VPS13B: variants seen among roughly 807,000 people sequenced by gnomAD.
The protein encoded by VPS13B is vacuolar protein sorting 13 homolog B.
In VPS13B, 285 loss-of-function variants were observed where a neutral mutation model predicts 426.4. The observed-to-expected ratio is 0.67, with a 90% CI of 0.61 to 0.74. The LOEUF is 0.74. VPS13B is among the 30% of genes least tolerant of loss of function. The pLI, the probability that VPS13B is intolerant of heterozygous loss-of-function variation, is 0.00. For synonymous variants in VPS13B, 1,676 were observed against 1,676.4 expected (o/e 1.00, Z 0.01); for missense variants, 4,537 against 4,782.6 (o/e 0.95, Z 1.51).
rs149176010 is a variant in VPS13B, at chr8:99,121,280, A to T, written c.1041A>T (p.Ser347=). ...QDEEQPQGWV[S]WAWSFVPAIV... Reference sequence around the variant, plus strand: ...AGGAGCAGCCACAGGGATGGGTGTCATGGGCCTGGTCCTTTGTGCCTGCAA... The same window carrying T: ...AGGAGCAGCCACAGGGATGGGTGTCTTGGGCCTGGTCCTTTGTGCCTGCAA... Residue 347 remains serine (S), a synonymous_variant, in exon 8 of 62, where the codon TCA becomes TCT. Transcript: ENST00000357162. 4 of 1,614,026 alleles carry T rather than the reference A, an allele frequency of 2.5e-6. No individual in the cohort carries two copies. In the South Asian group the frequency reaches 4.4e-5, roughly 18 times the overall value.
At chr8:99,107,855 G>A (rs968793432) in intron 5 of VPS13B, among the ~76,000 whole-genome samples, 1 of 152,152 alleles carries the variant, frequency 6.6e-6, no homozygotes, top group Non-Finnish European at 1.5e-5. Context: ...TTTCCAAGTT[G>A]TATTTTAGGT....
At chr8:99,684,212 AT>A (rs1831276564) in intron 35 of VPS13B, among the ~76,000 whole-genome samples, 1 of 152,128 alleles carries the variant, frequency 6.6e-6, no homozygotes, top group South Asian at 2.1e-4. Context: ...GATTTGCTAC[AT>A]TTTTTGAGGA....
chr8:99,109,594 G>A (rs1479890997), intron 5 of VPS13B, among the ~76,000 whole-genome samples: 2 of 152,088 alleles, frequency 1.3e-5, no homozygotes, highest in African/African-American at 4.8e-5. Flanking sequence ...CTTTGCCCAG[G>A]CTGGTTTTGA....
At chr8:99,425,299 C>G (rs201020058) in intron 21 of VPS13B, among the ~76,000 whole-genome samples, 62 of 152,200 alleles carry the variant, frequency 4.1e-4, no homozygotes, top group African/African-American at 1.4e-3. Context: ...TGATGAACAT[C>G]GATGCAAAAA....
chr8:99,417,278 G>A (rs538934837), intron 21 of VPS13B, among the ~76,000 whole-genome samples: 1 of 152,258 alleles, frequency 6.6e-6, no homozygotes, highest in South Asian at 2.1e-4. Context: ...AGTGGGAAGG[G>A]TGCTATTGAA....
chr8:99,417,604 A>G (rs1364566610), intron 21 of VPS13B, among the ~76,000 whole-genome samples: 1 of 152,204 alleles, frequency 6.6e-6, no homozygotes, highest in African/African-American at 2.4e-5. Flanking sequence ...AAGGAATTTT[A>G]ATGGTCTCAG....
At chr8:99,474,551 T>G (rs1819591915) in intron 24 of VPS13B, among the ~76,000 whole-genome samples, 1 of 152,062 alleles carries the variant, frequency 6.6e-6, no homozygotes, top group Non-Finnish European at 1.5e-5. Context: ...AGACAAATAA[T>G]GGGGAAAAGA....
At chr8:99,492,697 G>A (rs543728863) in intron 25 of VPS13B, among the ~76,000 whole-genome samples, 8 of 152,328 alleles carry the variant, frequency 5.3e-5, no homozygotes, top group South Asian at 2.1e-4. Context: ...GAATCCCCTC[G>A]TCTGCTGGTT....
Position 99,134,613 on chromosome 8 carries a change from A to G in VPS13B, c.1207-19A>G. 6.4e-7 allele frequency: 1 copy of G among 1,556,530 alleles called. No individual in the cohort carries two copies. On this transcript the variant is annotated intron_variant, in intron 8 of 61. Transcript: ENST00000357162. ...TTTAATACTAAATTTGATTTACTTA[A>G]TATTCTTATATTTCTTAGCTCACAG...
At chr8:99,396,757 G>A (rs554750494) in intron 21 of VPS13B, among the ~76,000 whole-genome samples, 17 of 152,216 alleles carry the variant, frequency 1.1e-4, no homozygotes, top group African/African-American at 2.9e-4. Flanking sequence ...GTTTCATAAT[G>A]GCATTGATGG....
chr8:99,364,987 C>T (rs1812771898), intron 19 of VPS13B, among the ~76,000 whole-genome samples: 1 of 152,028 alleles, frequency 6.6e-6, no homozygotes, highest in Non-Finnish European at 1.5e-5. Context: ...TTTTGTATTT[C>T]TTCATGCTTC....
chr8:99,848,752 A>C (rs1242833781), intron 54 of VPS13B, 24 bp from the exon 55 acceptor site: 1 of 1,608,204 alleles, frequency 6.2e-7, no homozygotes, highest in East Asian at 2.2e-5. Flanking sequence ...CTTTTTAATC[A>C]GATTTTGAAT....
chr8:99,225,871 C>T (rs189632721), intron 17 of VPS13B, among the ~76,000 whole-genome samples: 2 of 152,308 alleles, frequency 1.3e-5, no homozygotes, highest in South Asian at 2.1e-4. Context: ...GGAACTTCTT[C>T]CCATGTTAGT....
At chr8:99,486,949 C>T (rs16897400) in intron 25 of VPS13B, among the ~76,000 whole-genome samples, 3,291 of 152,150 alleles carry the variant, frequency 0.022, 131 homozygotes, top group African/African-American at 0.075. Flanking sequence ...GAAGGGAAAT[C>T]TCAGTTAACA....
intron 19 of VPS13B, 135 bp downstream of exon 19, chr8:99,275,389 T>C: frequency 1.3e-6 from 1 of 785,702 alleles, no homozygotes; most frequent in East Asian, 2.9e-5. Context: ...GTTGTGCTTT[T>C]TCAAAATTCA....
At position 99,121,415 on chromosome 8, in the gene VPS13B, T is replaced by C; in HGVS notation, c.1176T>C (p.Phe392=). Residue 392 remains phenylalanine, a synonymous_variant, in exon 8 of 62, where the codon TTT becomes TTC. Coordinates refer to ENST00000357162, the MANE Select transcript of VPS13B (RefSeq NM_152564.5). The part of the protein sequence containing the change: ...TLKDPIVSIG[F]YCTKATVTFK... ...AGGATCCTATTGTTTCTATAGGATT[T>C]TATTGCACAAAGGCAACGGTGACTT... is the stretch of plus-strand genomic sequence containing the variant. 1 of 1,614,224 alleles carries C rather than the reference T, an allele frequency of 6.2e-7. No individual in the cohort carries two copies. Among genetic ancestry groups the C allele is most frequent in the Non-Finnish European group, 8.5e-7 (1 of 1,180,024 alleles).
chr8:99,607,631 C>T (rs182985833), intron 33 of VPS13B, among the ~76,000 whole-genome samples: 1 of 152,232 alleles, frequency 6.6e-6, no homozygotes, highest in Admixed American at 6.5e-5. Context: ...CATAAAAGAA[C>T]TCTAGAACAA....
At chr8:99,717,938 T>G (rs1832985412) in intron 37 of VPS13B, among the ~76,000 whole-genome samples, 1 of 152,230 alleles carries the variant, frequency 6.6e-6, no homozygotes, top group Non-Finnish European at 1.5e-5. Context: ...TGATAGACAT[T>G]TGGGTTCTTT....
At chr8:99,863,839 CAGA>C (rs1334321946) in intron 58 of VPS13B, among the ~76,000 whole-genome samples, 1 of 152,068 alleles carries the variant, frequency 6.6e-6, no homozygotes, top group Non-Finnish European at 1.5e-5. Flanking sequence ...TGGTAATTTC[CAGA>C]AGATTATTAA....
Sources: allele counts gnomAD v4.1 joint callset (sites outside exome capture counted in the v4.1 genomes callset), GRCh38; gene constraint gnomAD v4.1.1; transcripts MANE v1.5; gene names NCBI Gene and HGNC (gene_info 2026-07-23, HGNC 2026-07-21).